RARRES1: variants seen among roughly 807,000 people sequenced by gnomAD.
RARRES1 encodes the protein retinoic acid receptor responder protein 1.
Under a neutral mutation model 30.6 loss-of-function variants are expected in RARRES1, and 34 were observed. That is an observed-to-expected ratio of 1.11 (90% CI 0.84 to 1.48). The LOEUF is 1.48. RARRES1 is among the 40% of genes most tolerant of loss of function. The pLI is 0.00. For synonymous variants in RARRES1, 153 were observed against 155.5 expected (o/e 0.98, Z 0.12); for missense variants, 373 against 386.5 (o/e 0.97, Z 0.29).
chr3:158,728,546 C>G (rs1228329252), intron 1 of RARRES1, among the ~76,000 whole-genome samples: 2 of 129,152 alleles, frequency 1.5e-5, no homozygotes, highest in Admixed American at 1.6e-4. Context: ...GTTTTTGAGA[C>G]AGATTCTCGC....
At chr3:158,716,362 T>C (rs1234729271) in intron 1 of RARRES1, among the ~76,000 whole-genome samples, 1 of 152,162 alleles carries the variant, frequency 6.6e-6, no homozygotes, top group African/African-American at 2.4e-5. Flanking sequence ...AGTGATACAT[T>C]CGGGCATGGT....
chr3:158,728,536 G>T (rs2566345), intron 1 of RARRES1, among the ~76,000 whole-genome samples: 138,506 of 141,728 alleles, frequency 0.98, 67,652 homozygotes, highest in Middle Eastern at 1. Flanking sequence ...TTTTTTTTTG[G>T]TTTTTGAGAC....
intron 1 of RARRES1, among the ~76,000 whole-genome samples, chr3:158,717,497 C>T (rs55678388): frequency 0.19 from 28,703 of 152,154 alleles, 2,846 homozygotes; most frequent in Non-Finnish European, 0.23. Context: ...TGGCAAGGGC[C>T]TGAGGAGCAG....
chr3:158,718,619 C>T (rs112250181), intron 1 of RARRES1, among the ~76,000 whole-genome samples: 20 of 152,222 alleles, frequency 1.3e-4, no homozygotes, highest in Admixed American at 4.6e-4. Context: ...GTGTGAATGC[C>T]CTATGACCTA....
At chr3:158,714,197 C>T (rs904336865) in intron 1 of RARRES1, among the ~76,000 whole-genome samples, 5 of 152,210 alleles carry the variant, frequency 3.3e-5, no homozygotes, top group Admixed American at 1.3e-4. Context: ...TCAGTGCCTG[C>T]TCCACGCCCT....
intron 4 of RARRES1, among the ~76,000 whole-genome samples, chr3:158,699,863 G>A (rs1457186205): frequency 2.0e-5 from 3 of 152,060 alleles, no homozygotes; most frequent in Non-Finnish European, 2.9e-5. Flanking sequence ...TGGCATTGTC[G>A]CTTTGAGGGT....
In RARRES1 at chr3:158,704,780, G is replaced by T; in HGVS notation, c.672+11C>A. On this transcript the variant is annotated intron_variant, in intron 4 of 5. Coordinates refer to ENST00000237696, the MANE Select transcript of RARRES1 (RefSeq NM_206963.2). ...TCTTGTGGCACAAGTTAATTTTCAG[G>T]TTTTTCTTACCCACTGCCTCACACT... 1 of 1,609,500 alleles carries T rather than the reference G, an allele frequency of 6.2e-7. No individual in the cohort carries two copies. The highest frequency in any genetic ancestry group is 8.5e-7 in the Non-Finnish European group (1 of 1,178,204).
At chr3:158,713,434 C>T (rs1727210313) in intron 2 of RARRES1, among the ~76,000 whole-genome samples, 1 of 152,050 alleles carries the variant, frequency 6.6e-6, no homozygotes, top group East Asian at 1.9e-4. Context: ...AGAAATGTCA[C>T]CCTCTGACAG....
At chr3:158,713,750 T>C in intron 2 of RARRES1, 47 bp downstream of exon 2, 1 of 1,538,064 alleles carries the variant, frequency 6.5e-7, no homozygotes. Context: ...CAAAGCCATA[T>C]TTATAGCAGT....
At chr3:158,725,568 A>T (rs1727659424) in intron 1 of RARRES1, among the ~76,000 whole-genome samples, 1 of 152,214 alleles carries the variant, frequency 6.6e-6, no homozygotes, top group African/African-American at 2.4e-5. Context: ...CTGTGATTAC[A>T]TGCATCCTTG....
intron 3 of RARRES1, 149 bp downstream of exon 3, chr3:158,710,589 C>T: frequency 1.4e-6 from 1 of 704,368 alleles, no homozygotes; most frequent in Non-Finnish European, 2.3e-6. Flanking sequence ...GATGATACCT[C>T]TGAGTTTTGT....
intron 1 of RARRES1, among the ~76,000 whole-genome samples, chr3:158,717,722 C>T (rs1349016216): frequency 5.3e-5 from 8 of 152,082 alleles, no homozygotes; most frequent in Admixed American, 5.2e-4. Context: ...TTAATGTAGA[C>T]AGAGCAGGAG....
At chr3:158,728,907 GGT>G (rs1403660990) in intron 1 of RARRES1, among the ~76,000 whole-genome samples, 2 of 152,104 alleles carry the variant, frequency 1.3e-5, no homozygotes, top group Non-Finnish European at 2.9e-5. Flanking sequence ...GCTCCATGTA[GGT>G]GTGTCTACAC....
chr3:158,727,079 G>T (rs1165530755), intron 1 of RARRES1, among the ~76,000 whole-genome samples: 2 of 152,156 alleles, frequency 1.3e-5, no homozygotes, highest in African/African-American at 4.8e-5. Context: ...CTCTCCAGAA[G>T]CGGATGCCAG....
rs938458648 is a variant in RARRES1, at chr3:158,700,295, C to T, written c.673-2325G>A. ...TTTTTGAGAACAATGCCTTATTCTG[C>T]GTTTGAAAATGGCATTTCTGAAGGA... On this transcript the variant is annotated intron_variant, in intron 4 of 5. Transcript: ENST00000237696. Among the ~76,000 whole-genome samples, 8 of 151,074 alleles carry T rather than the reference C, an allele frequency of 5.3e-5. No homozygotes were observed. In the East Asian group the frequency reaches 5.8e-4, roughly 11 times the overall value.
At chr3:158,714,911 A>C (rs189613727) in intron 1 of RARRES1, among the ~76,000 whole-genome samples, 5 of 152,246 alleles carry the variant, frequency 3.3e-5, no homozygotes. Context: ...AATAGACCAG[A>C]TAGCATCCAT....
chr3:158,704,972 G>T, intron 3 of RARRES1, 45 bp from the exon 4 acceptor site: 1 of 1,578,694 alleles, frequency 6.3e-7, no homozygotes, highest in South Asian at 1.2e-5. Context: ...GCATTTTTGA[G>T]ACAAAATCTC....
intron 4 of RARRES1, among the ~76,000 whole-genome samples, chr3:158,699,440 C>G (rs1031942609): frequency 6.6e-6 from 1 of 150,656 alleles, no homozygotes; most frequent in Non-Finnish European, 1.5e-5. Flanking sequence ...AGCAACCCCC[C>G]CCCCACCAAA....
At chr3:158,704,559 C>T (rs570005380) in intron 4 of RARRES1, 1 of 496,334 alleles carries the variant, frequency 2.0e-6, no homozygotes, top group Non-Finnish European at 3.3e-6. Flanking sequence ...CTCTTTTTAT[C>T]TTCTCTCACT....
Sources: gnomAD v4.1 joint callset for allele counts (sites outside exome capture counted in the v4.1 genomes callset) on GRCh38, gnomAD v4.1.1 for gene constraint, MANE v1.5 for transcripts, NCBI Gene and HGNC (gene_info 2026-07-23, HGNC 2026-07-21) for gene names.